The following PCDH9 variants were observed in gnomAD, a reference collection of about 807,000 sequenced individuals.
The protein encoded by PCDH9 is protocadherin-9.
PCDH9 carries 24 observed loss-of-function variants against 70.6 expected under a neutral mutation model. That is an observed-to-expected ratio of 0.34 (90% confidence interval 0.25 to 0.48). The LOEUF (loss-of-function observed/expected upper bound fraction) is 0.48. Among genes scored for constraint, PCDH9 ranks in the 20% least tolerant of loss-of-function variants. The pLI is 0.99. For missense variants in PCDH9, 1,281 were observed against 1,503.6 expected (o/e 0.85, Z 2.45); for synonymous variants, 562 against 558.5 (o/e 1.01, Z -0.09).
intron 2 of PCDH9, chr13:67,222,215 C>T (rs2089742271): frequency 6.8e-6 from 1 of 146,272 alleles, no homozygotes; most frequent in African/African-American, 2.5e-5. Flanking sequence ...TTTTCATCCT[C>T]TTCACCTTTT....
At chr13:66,951,023 T>C (rs1026430356) in intron 2 of PCDH9, among the ~76,000 whole-genome samples, 2 of 152,200 alleles carry the variant, frequency 1.3e-5, no homozygotes, top group African/African-American at 4.8e-5. Flanking sequence ...CTGGATGAAA[T>C]ATCTCCCATC....
chr13:66,924,049 CGTAAAG>C (rs2082679262), intron 2 of PCDH9, among the ~76,000 whole-genome samples: 1 of 151,582 alleles, frequency 6.6e-6, no homozygotes, highest in Admixed American at 6.6e-5. Flanking sequence ...TTGGTACAGA[CGTAAAG>C]CAAGAAGCAT....
intron 2 of PCDH9, among the ~76,000 whole-genome samples, chr13:67,034,502 T>C (rs533683246): frequency 1.6e-4 from 24 of 152,212 alleles, no homozygotes; most frequent in African/African-American, 5.1e-4. Context: ...CAGCTAATGA[T>C]GAATAAATAA....
intron 2 of PCDH9, among the ~76,000 whole-genome samples, chr13:66,933,827 A>G (rs2082857247): frequency 6.6e-6 from 1 of 151,926 alleles, no homozygotes; most frequent in African/African-American, 2.4e-5. Context: ...AACAGTTCAA[A>G]ACATGACATT....
intron 4 of PCDH9, among the ~76,000 whole-genome samples, chr13:66,467,444 C>T (rs1353999049): frequency 6.6e-6 from 1 of 152,036 alleles, no homozygotes; most frequent in East Asian, 1.9e-4. Context: ...ACTTTTAATA[C>T]TTTCTTTCTC....
At position 66,796,908 on chromosome 13, in the gene PCDH9, C is replaced by T. The variant is rs535307374; in HGVS notation, c.3138+106596G>A. ...ATAAAAAAGAAGTAAATTTTGATTTCTGTGGCAGATGAAGACTTTAAAAGA... is the reference window on the plus strand; with the variant it reads ...ATAAAAAAGAAGTAAATTTTGATTTTTGTGGCAGATGAAGACTTTAAAAGA... On this transcript the variant is annotated intron_variant, in intron 3 of 4. Transcript: ENST00000377865. Among the ~76,000 whole-genome samples, 13 of 152,082 alleles carry T rather than the reference C, an allele frequency of 8.5e-5. No homozygotes were observed. The South Asian group carries it at 2.7e-3, about 32-fold the overall frequency.
At chr13:66,656,550 G>T (rs2077932293) in intron 3 of PCDH9, among the ~76,000 whole-genome samples, 2 of 151,322 alleles carry the variant, frequency 1.3e-5, no homozygotes, top group Admixed American at 1.3e-4. Context: ...TCATTCTCCA[G>T]CTGTGAAAGT....
intron 3 of PCDH9, among the ~76,000 whole-genome samples, chr13:66,676,851 C>T (rs1249381444): frequency 6.6e-6 from 1 of 151,960 alleles, no homozygotes; most frequent in Non-Finnish European, 1.5e-5. Flanking sequence ...CTCAGACATA[C>T]AGAAACATAA....
At chr13:67,147,450 T>C (rs2087549995) in intron 2 of PCDH9, among the ~76,000 whole-genome samples, 1 of 152,136 alleles carries the variant, frequency 6.6e-6, no homozygotes, top group Non-Finnish European at 1.5e-5. Context: ...TTGGTTACAA[T>C]CTAAACAGTC....
At chr13:66,591,810 G>T (rs1434150778) in intron 4 of PCDH9, among the ~76,000 whole-genome samples, 1 of 151,412 alleles carries the variant, frequency 6.6e-6, no homozygotes, top group Non-Finnish European at 1.5e-5. Context: ...GTTGGGAGGG[G>T]GGGCTCATTC....
At chr13:66,408,769 G>T (rs1404347762) in intron 4 of PCDH9, among the ~76,000 whole-genome samples, 3 of 151,172 alleles carry the variant, frequency 2.0e-5, no homozygotes, top group African/African-American at 7.3e-5. Context: ...TCACATACAC[G>T]AAATCACTGA....
chr13:66,746,207 C>T (rs536816951), intron 3 of PCDH9, among the ~76,000 whole-genome samples: 2 of 152,262 alleles, frequency 1.3e-5, no homozygotes, highest in African/African-American at 4.8e-5. Context: ...CTTTTACTTA[C>T]ACCATCTAAA....
chr13:67,210,924 G>A (rs1431958543), intron 2 of PCDH9: 2 of 151,958 alleles, frequency 1.3e-5, no homozygotes, highest in Non-Finnish European at 2.9e-5. Context: ...GTGAAAAGTG[G>A]TGAGAATGCC....
chr13:66,411,864 C>A (rs1231679966), intron 4 of PCDH9, among the ~76,000 whole-genome samples: 3 of 152,096 alleles, frequency 2.0e-5, no homozygotes, highest in South Asian at 2.1e-4. Flanking sequence ...CAAAGAATAT[C>A]AAAATCCAAC....
At chr13:66,515,768 G>A (rs968062828) in intron 4 of PCDH9, among the ~76,000 whole-genome samples, 1 of 151,942 alleles carries the variant, frequency 6.6e-6, no homozygotes, top group South Asian at 2.1e-4. Context: ...TAGAAGAATT[G>A]TAAACATGTT....
chr13:66,397,044 T>C (rs948591566), intron 4 of PCDH9, among the ~76,000 whole-genome samples: 31 of 152,140 alleles, frequency 2.0e-4, no homozygotes, highest in Non-Finnish European at 2.8e-4. Flanking sequence ...TTTGATATTG[T>C]GATTGAACTG....
At chr13:66,651,988 TG>T (rs1242522625) in intron 3 of PCDH9, among the ~76,000 whole-genome samples, 1 of 151,978 alleles carries the variant, frequency 6.6e-6, no homozygotes, top group African/African-American at 2.4e-5. Context: ...CTCAAAAAAC[TG>T]GGTAGAGAAA....
At chr13:66,511,451 T>G (rs953368706) in intron 4 of PCDH9, among the ~76,000 whole-genome samples, 4 of 151,976 alleles carry the variant, frequency 2.6e-5, no homozygotes, top group Admixed American at 6.6e-5. Context: ...AGATTATTAA[T>G]GCAAAGCACT....
chr13:67,187,261 T>C (rs2088782674), intron 2 of PCDH9, among the ~76,000 whole-genome samples: 1 of 152,160 alleles, frequency 6.6e-6, no homozygotes, highest in Non-Finnish European at 1.5e-5. Flanking sequence ...CTAGTAAATA[T>C]AAAAGCCTCT....
Sources: gnomAD v4.1 joint callset for allele counts (sites outside exome capture counted in the v4.1 genomes callset) on GRCh38, gnomAD v4.1.1 for gene constraint, MANE v1.5 for transcripts, NCBI Gene and HGNC (gene_info 2026-07-23, HGNC 2026-07-21) for gene names.